Variants in SLC39A11 observed in about 807,000 individuals in gnomAD.
SLC39A11 encodes the protein zinc transporter ZIP11.
A neutral mutation model predicts 36.1 loss-of-function variants in SLC39A11; 33 were observed. That is an observed-to-expected ratio of 0.91 (90% CI 0.69 to 1.22). SLC39A11 has a LOEUF of 1.22. Ranked by LOEUF, SLC39A11 falls within the 50% of genes most tolerant of loss-of-function variation. The pLI is 0.00. For synonymous variants in SLC39A11, 166 were observed against 170.3 expected, an observed-to-expected ratio of 0.97 and a Z score of 0.20; for missense variants, 432 against 430.3, an observed-to-expected ratio of 1.00 and a Z score of -0.03.
chr17:72,837,847 T>C, intron 6 of SLC39A11: 4 of 870,466 alleles, frequency 4.6e-6, no homozygotes, highest in Non-Finnish European at 6.1e-6. Context: ...TTAGGGAAAC[T>C]GTAGAGACAA....
At chr17:72,939,236 GGGTCACCTGA>G (rs759127705) in intron 5 of SLC39A11, among the ~76,000 whole-genome samples, 6 of 152,302 alleles carry the variant, frequency 3.9e-5, no homozygotes, top group Admixed American at 2.0e-4. Flanking sequence ...CGAGGTGGGT[GGGTCACCTGA>G]GGTCAGGAGT....
At chr17:72,959,415 G>A (rs576858569) in intron 4 of SLC39A11, among the ~76,000 whole-genome samples, 28 of 143,718 alleles carry the variant, frequency 1.9e-4, no homozygotes, top group South Asian at 1.6e-3. Flanking sequence ...AACAGCATTC[G>A]CAGTGACCTG....
chr17:72,981,967 G>C lies in SLC39A11; in HGVS notation c.307-34092C>G, dbSNP rs150727476. On this transcript the variant is annotated intron_variant, in intron 4 of 9. Coordinates refer to ENST00000255559, the MANE Select transcript of SLC39A11 (RefSeq NM_139177.4). ...ACTAATAAGACAAAGCTGTAGGCCG[G>C]AGCAGTGGCACACATCTGTAATCCC... is the stretch of plus-strand genomic sequence containing the variant. Among the ~76,000 whole-genome samples the C allele has an allele frequency of 2.2e-3, 336 of 152,274 alleles. 4 individuals carry two copies. Among genetic ancestry groups the C allele is most frequent in the African/African-American group, 7.3e-3 (304 of 41,550 alleles).
intron 5 of SLC39A11, among the ~76,000 whole-genome samples, chr17:72,935,061 T>C (rs1455550956): frequency 2.0e-5 from 3 of 152,328 alleles, no homozygotes; most frequent in Middle Eastern, 3.4e-3. Context: ...AAAGCCTGTA[T>C]GCCAATATTG....
chr17:72,844,886 T>C (rs1177490478), intron 6 of SLC39A11, among the ~76,000 whole-genome samples: 1 of 152,206 alleles, frequency 6.6e-6, no homozygotes, highest in African/African-American at 2.4e-5. Context: ...CTCGTCTCAG[T>C]TGATGGCAAT....
chr17:72,880,048 T>C (rs73358761), intron 5 of SLC39A11, among the ~76,000 whole-genome samples: 2,290 of 152,310 alleles, frequency 0.015, 60 homozygotes, highest in African/African-American at 0.051. Flanking sequence ...CTCATTCAGC[T>C]ACCCTGAGAT....
chr17:73,047,991 ATATATATATATATATATAT>A (rs1170879289), intron 3 of SLC39A11, among the ~76,000 whole-genome samples: 690 of 35,908 alleles, frequency 0.019, 10 homozygotes, highest in Non-Finnish European at 0.022. Context: ...AAAAAAAAAA[ATATATATATATATATATAT>A]ATATATATAT....
At chr17:72,983,156 GT>G (rs71359752) in intron 4 of SLC39A11, among the ~76,000 whole-genome samples, 19,787 of 146,584 alleles carry the variant, frequency 0.13, 1,638 homozygotes, top group African/African-American at 0.24. Context: ...ATTTGTTTTT[GT>G]TTTTTTTTTT....
intron 6 of SLC39A11, among the ~76,000 whole-genome samples, chr17:72,748,547 G>C (rs1220619783): frequency 6.6e-6 from 1 of 152,200 alleles, no homozygotes; most frequent in African/African-American, 2.4e-5. Context: ...TGCCGACTTA[G>C]AGTTGAGCCT....
At chr17:72,792,955 A>T (rs542537007) in intron 6 of SLC39A11, among the ~76,000 whole-genome samples, 1 of 152,174 alleles carries the variant, frequency 6.6e-6, no homozygotes, top group African/African-American at 2.4e-5. Flanking sequence ...ACATCAAAAC[A>T]AGGCTCAGGA....
intron 4 of SLC39A11, among the ~76,000 whole-genome samples, chr17:72,988,603 G>T (rs1190685716): frequency 6.6e-6 from 1 of 151,754 alleles, no homozygotes; most frequent in Non-Finnish European, 1.5e-5. Context: ...TCTGAAACTC[G>T]GTACCTTTTA....
intron 4 of SLC39A11, among the ~76,000 whole-genome samples, chr17:72,949,241 C>T (rs1248716328): frequency 7.1e-6 from 1 of 140,636 alleles, no homozygotes; most frequent in Non-Finnish European, 1.5e-5. Flanking sequence ...CTCACAGCAA[C>T]CTCTGCCCCA....
chr17:72,889,259 A>T (rs1371699435), intron 5 of SLC39A11, among the ~76,000 whole-genome samples: 1 of 152,206 alleles, frequency 6.6e-6, no homozygotes, highest in East Asian at 1.9e-4. Flanking sequence ...TCACGCCTGT[A>T]ATCCCAGCAC....
At position 72,795,743 on chromosome 17, in the gene SLC39A11, G is replaced by A. The variant is rs147936145; in HGVS notation, c.601+53891C>T. Among the ~76,000 whole-genome samples, 10 of 152,118 alleles carry A rather than the reference G, an allele frequency of 6.6e-5. No homozygotes were observed. In the East Asian group the frequency reaches 1.2e-3, roughly 18 times the overall value. ...CAGTGGTCATAGCACACCATGCCTC[G>A]GCTTCTTACTACTTGTCACAGAGGC... On this transcript the variant is annotated intron_variant, in intron 6 of 9. Transcript: ENST00000255559.
In SLC39A11 at chr17:73,084,980, A is replaced by G. The variant is rs1017322655; in HGVS notation, c.109-134T>C. The G allele has an allele frequency of 5.8e-6, 5 of 862,158 alleles. No homozygotes were observed. The East Asian group carries it at 1.0e-4, about 18-fold the overall frequency. 53.4% of individuals were successfully genotyped at this position (862,158 alleles called of 1,614,324 possible). On this transcript the variant is annotated intron_variant, in intron 2 of 9. Transcript: ENST00000255559. ...CGACTCCTGAGCTCGTGAGCTACTC[A>G]GTTTATACCATGGGCCAAGAACCAC... is the stretch of plus-strand genomic sequence containing the variant.
At chr17:72,779,521 A>G (rs1025418518) in intron 6 of SLC39A11, among the ~76,000 whole-genome samples, 1 of 152,200 alleles carries the variant, frequency 6.6e-6, no homozygotes, top group Non-Finnish European at 1.5e-5. Context: ...TGAGAGGTGT[A>G]GGATAAATCC....
At chr17:72,669,615 C>T (rs1279985792) in intron 7 of SLC39A11, among the ~76,000 whole-genome samples, 1 of 152,178 alleles carries the variant, frequency 6.6e-6, no homozygotes. Context: ...TGATCACTTG[C>T]ATAAAGTAGT....
rs78316276 is a variant in SLC39A11 at position 73,063,815 on chromosome 17, G to A, written c.147+20993C>T. 7.4e-3 allele frequency among the ~76,000 whole-genome samples: 1,129 copies of A among 152,234 alleles called. 7 individuals are homozygous for A. The highest frequency in any genetic ancestry group is 0.026 in the African/African-American group (1,066 of 41,522). Reference sequence around the variant, plus strand: ...GCCCATGGATACTCTCCCCCACACAGAAATCTTCATGCATAATTACAAAGT... The same window carrying A: ...GCCCATGGATACTCTCCCCCACACAAAAATCTTCATGCATAATTACAAAGT... On this transcript the variant is annotated intron_variant, in intron 3 of 9. Coordinates refer to ENST00000255559, the MANE Select transcript of SLC39A11 (RefSeq NM_139177.4).
chr17:73,038,771 AGGAGGGAGGGAGGAGGGAG>A (rs1568169604), intron 3 of SLC39A11, among the ~76,000 whole-genome samples: 6 of 44,896 alleles, frequency 1.3e-4, no homozygotes, highest in African/African-American at 5.2e-4. Context: ...GGAGGGATGG[AGGAGGGAGGGAGGAGGGAG>A]GAGGGAGGGA....
Sources: gnomAD v4.1 joint callset for allele counts (sites outside exome capture counted in the v4.1 genomes callset) on GRCh38, gnomAD v4.1.1 for gene constraint, MANE v1.5 for transcripts, NCBI Gene and HGNC (gene_info 2026-07-23, HGNC 2026-07-21) for gene names.